Variants in FBXO4 observed in about 807,000 individuals in gnomAD.
FBXO4 encodes the protein F-box only protein 4.
In FBXO4, 36 loss-of-function variants were observed where a neutral mutation model predicts 43.7. The observed-to-expected ratio is 0.82, with a 90% CI of 0.63 to 1.09. FBXO4 has a LOEUF of 1.09. Among genes scored for constraint, FBXO4 ranks in the 50% least tolerant of loss-of-function variants. The pLI, the probability that FBXO4 is intolerant of heterozygous loss-of-function variation, is 0.00. For synonymous variants in FBXO4, 180 were observed against 165.6 expected, an observed-to-expected ratio of 1.09 and a Z score of -0.67; for missense variants, 435 against 474.1, an observed-to-expected ratio of 0.92 and a Z score of 0.77.
At chr5:42,022,922 A>T in the FBXO4 span, among the ~76,000 whole-genome samples, 1,802 of 152,280 alleles carry the variant, frequency 0.012, 40 homozygotes, top group African/African-American at 0.041. Context: ...GGCTCAGATT[A>T]TTCTGTGAAT....
At chr5:41,935,052 G>C in intron 5 of FBXO4, 1 of 984,606 alleles carries the variant, frequency 1.0e-6, no homozygotes, top group Non-Finnish European at 1.2e-6. Flanking sequence ...TGTTATTACA[G>C]GGCTATCTAT....
At chr5:41,971,187 G>C in the FBXO4 span, among the ~76,000 whole-genome samples, 1 of 149,264 alleles carries the variant, frequency 6.7e-6, no homozygotes, top group African/African-American at 2.5e-5. Context: ...ATTTTATATT[G>C]ATGTAAAACT....
At chr5:41,980,174 C>G in the FBXO4 span, among the ~76,000 whole-genome samples, 21,384 of 151,824 alleles carry the variant, frequency 0.14, 2,416 homozygotes, top group African/African-American at 0.31. Context: ...AAAGCTTTGG[C>G]GGGTATGTGT....
At chr5:42,006,342 A>G in the FBXO4 span, among the ~76,000 whole-genome samples, 1 of 152,118 alleles carries the variant, frequency 6.6e-6, no homozygotes, top group African/African-American at 2.4e-5. Context: ...TATCATGCCA[A>G]GGACCCCTAA....
chr5:41,953,804 A>G, the FBXO4 span, among the ~76,000 whole-genome samples: 1 of 151,756 alleles, frequency 6.6e-6, no homozygotes, highest in Admixed American at 6.6e-5. Context: ...TCTTTTGAGA[A>G]GTGTCTGTTC....
At chr5:41,966,888 T>C in the FBXO4 span, among the ~76,000 whole-genome samples, 1 of 152,172 alleles carries the variant, frequency 6.6e-6, no homozygotes, top group Non-Finnish European at 1.5e-5. Context: ...TATGACAATG[T>C]CTCCCATGTT....
chr5:41,936,456 C>G (rs1050867441), intron 5 of FBXO4, among the ~76,000 whole-genome samples: 2 of 152,036 alleles, frequency 1.3e-5, no homozygotes, highest in African/African-American at 4.8e-5. Flanking sequence ...ATCGCTTGAG[C>G]CTGGGAGGCA....
chr5:41,927,173 C>T lies in FBXO4; in HGVS notation c.350C>T (p.Ser117Phe). The change falls in exon 2 of 7, where the codon TCT becomes TTT. Residue 117 changes from serine to phenylalanine, a missense_variant. Transcript: ENST00000281623. ...TCTTGGTCTTCTGTTGACTGGAAGT[C>T]TCTTCCAGATCTAGAAATCTTAAAA... ...LPSWSSVDWK[S>F]LPDLEILKKP... 6.2e-7 allele frequency: 1 copy of T among 1,613,880 alleles called. No homozygotes were observed. Among genetic ancestry groups the T allele is most frequent in the Non-Finnish European group, 8.5e-7 (1 of 1,179,916 alleles).
the FBXO4 span, among the ~76,000 whole-genome samples, chr5:42,019,551 G>T: frequency 6.6e-6 from 1 of 151,944 alleles, no homozygotes. Context: ...AGTTGGGTGT[G>T]GTGGCACACG....
chr5:41,930,635 G>A (rs1300914678), intron 3 of FBXO4, among the ~76,000 whole-genome samples: 1 of 151,852 alleles, frequency 6.6e-6, no homozygotes, highest in Non-Finnish European at 1.5e-5. Flanking sequence ...GTTCCAGGCA[G>A]CGAGAACTAC....
the FBXO4 span, among the ~76,000 whole-genome samples, chr5:41,971,149 C>T: frequency 1.3e-5 from 2 of 151,000 alleles, no homozygotes; most frequent in Non-Finnish European, 3.0e-5. Context: ...AAAACAAAAC[C>T]AGATTGAGGA....
At chr5:41,960,781 A>T in the FBXO4 span, among the ~76,000 whole-genome samples, 1 of 151,886 alleles carries the variant, frequency 6.6e-6, no homozygotes, top group Admixed American at 6.6e-5. Flanking sequence ...TCTTTGATAA[A>T]TTTTTTATTT....
the FBXO4 span, among the ~76,000 whole-genome samples, chr5:42,003,917 CAT>C: frequency 2.6e-5 from 4 of 152,108 alleles, no homozygotes; most frequent in African/African-American, 9.7e-5. Context: ...TATAAAGACA[CAT>C]GTGCACGTAT....
chr5:41,997,057 C>A, the FBXO4 span, among the ~76,000 whole-genome samples: 1 of 152,188 alleles, frequency 6.6e-6, no homozygotes, highest in African/African-American at 2.4e-5. Flanking sequence ...TGAGATAGGA[C>A]AGTAAATGTG....
chr5:41,945,690 T>C (rs1300667627), downstream of FBXO4, among the ~76,000 whole-genome samples: 1 of 152,154 alleles, frequency 6.6e-6, no homozygotes, highest in East Asian at 1.9e-4. Context: ...TAAATGGATA[T>C]GTGGGGGACG....
the FBXO4 span, among the ~76,000 whole-genome samples, chr5:41,978,996 C>T: frequency 6.6e-6 from 1 of 151,900 alleles, no homozygotes; most frequent in Admixed American, 6.6e-5. Flanking sequence ...TTTTGTAAAA[C>T]GCTAGATGGT....
At chr5:41,982,902 T>C in the FBXO4 span, among the ~76,000 whole-genome samples, 5 of 152,110 alleles carry the variant, frequency 3.3e-5, no homozygotes, top group Non-Finnish European at 5.9e-5. Flanking sequence ...TGGTGTGTGA[T>C]GTTCCCCTCT....
chr5:41,975,687 T>C, the FBXO4 span, among the ~76,000 whole-genome samples: 2 of 152,208 alleles, frequency 1.3e-5, no homozygotes, highest in Admixed American at 1.3e-4. Flanking sequence ...AAAATATTCA[T>C]AACATAAAAT....
In FBXO4 at chr5:41,936,578, G is replaced by C. The variant is rs1751852867; in HGVS notation, c.898+2270G>C. ...GATTGAGAGAGACCTAGTGGAAAAG[G>C]TGGACAATATGTGTGAACAGATAGA... On this transcript the variant is annotated intron_variant, in intron 5 of 6. Coordinates refer to ENST00000281623, the MANE Select transcript of FBXO4 (RefSeq NM_012176.3). Among the ~76,000 whole-genome samples, 2 of 152,090 alleles carry C rather than the reference G, an allele frequency of 1.3e-5. 1 individual carries two copies. Among genetic ancestry groups the C allele is most frequent in the South Asian group, 4.1e-4 (2 of 4,826 alleles).
Sources: gnomAD v4.1 joint callset for allele counts (sites outside exome capture counted in the v4.1 genomes callset) on GRCh38, gnomAD v4.1.1 for gene constraint, MANE v1.5 for transcripts, NCBI Gene and HGNC (gene_info 2026-07-23, HGNC 2026-07-21) for gene names.